The following CDH13 variants were observed in gnomAD, a reference collection of about 807,000 sequenced individuals.
The protein encoded by CDH13 is cadherin-13.
A neutral mutation model predicts 63.8 loss-of-function variants in CDH13; 24 were observed. That is an observed-to-expected ratio of 0.38 (90% CI 0.27 to 0.53). CDH13 has a LOEUF of 0.53. Ranked by LOEUF, CDH13 falls within the 20% of genes least tolerant of loss-of-function variation. The probability of loss-of-function intolerance (pLI) is 0.85; values close to 1 mark genes in which losing one functional copy is unlikely to be tolerated. For synonymous variants in CDH13, 503 were observed against 355.3 expected, an observed-to-expected ratio of 1.42 and a Z score of -4.67; for missense variants, 1,049 against 903.1, an observed-to-expected ratio of 1.16 and a Z score of -2.07.
chr16:82,942,075 A>G (rs1448437989), intron 2 of CDH13, among the ~76,000 whole-genome samples: 1 of 152,196 alleles, frequency 6.6e-6, no homozygotes, highest in Non-Finnish European at 1.5e-5. Context: ...TTTTCCTATC[A>G]GGCTTATTGC....
At chr16:83,286,997 T>C (rs543403192) in intron 5 of CDH13, among the ~76,000 whole-genome samples, 56 of 152,182 alleles carry the variant, frequency 3.7e-4, no homozygotes, top group African/African-American at 1.3e-3. Context: ...TTGAGATTAC[T>C]CCTCCTTTCA....
intron 7 of CDH13, among the ~76,000 whole-genome samples, chr16:83,511,577 G>A (rs2074567226): frequency 6.6e-6 from 1 of 152,036 alleles, no homozygotes; most frequent in African/African-American, 2.4e-5. Flanking sequence ...ATCTCAGAGT[G>A]AACAAAATTG....
At chr16:82,980,444 A>C (rs1910113856) in intron 2 of CDH13, among the ~76,000 whole-genome samples, 1 of 152,210 alleles carries the variant, frequency 6.6e-6, no homozygotes, top group Non-Finnish European at 1.5e-5. Context: ...AGAGCTGTAC[A>C]CAAGATGGTG....
chr16:83,788,938 T>A (rs1280766174), intron 13 of CDH13, among the ~76,000 whole-genome samples: 1 of 152,186 alleles, frequency 6.6e-6, no homozygotes, highest in Non-Finnish European at 1.5e-5. Flanking sequence ...CAAAAAACAG[T>A]TAAAAACAGG....
At chr16:83,750,761 C>G (rs1913013642) in intron 11 of CDH13, among the ~76,000 whole-genome samples, 1 of 152,134 alleles carries the variant, frequency 6.6e-6, no homozygotes. Flanking sequence ...GAGCCTTCCT[C>G]ACATCCCTCA....
At chr16:83,512,603 G>C (rs1480287033) in intron 7 of CDH13, among the ~76,000 whole-genome samples, 1 of 150,868 alleles carries the variant, frequency 6.6e-6, no homozygotes, top group African/African-American at 2.4e-5. Context: ...AGGAGGTGGA[G>C]GTTGCAGTGA....
In CDH13 at chr16:82,875,666, A is replaced by G. The variant is rs933937273; in HGVS notation, c.157+17193A>G. 4.6e-5 allele frequency among the ~76,000 whole-genome samples: 7 copies of G among 152,270 alleles called. 1 individual carries two copies. Among genetic ancestry groups the G allele is most frequent in the Non-Finnish European group, 1.0e-4 (7 of 68,048 alleles). On this transcript the variant is annotated intron_variant, in intron 2 of 13. Transcript: ENST00000567109. The stretch of plus-strand genomic sequence containing the variant: ...TAAAACATGACTCACATTCATATCT[A>G]AAGTGAACACATCAAAGATTTTATC...
chr16:82,894,098 T>C (rs1472075123), intron 2 of CDH13, among the ~76,000 whole-genome samples: 2 of 152,218 alleles, frequency 1.3e-5, no homozygotes, highest in Non-Finnish European at 2.9e-5. Context: ...CCGTTGTCTG[T>C]ACACCTCCAT....
At chr16:83,066,959 G>C (rs988605832) in intron 3 of CDH13, among the ~76,000 whole-genome samples, 3 of 152,182 alleles carry the variant, frequency 2.0e-5, no homozygotes, top group Non-Finnish European at 4.4e-5. Context: ...AAATGCTGAA[G>C]TCTTTGCTTC....
At chr16:83,570,642 A>C (rs548755696) in intron 7 of CDH13, among the ~76,000 whole-genome samples, 21 of 151,120 alleles carry the variant, frequency 1.4e-4, no homozygotes, top group South Asian at 4.2e-4. Flanking sequence ...AGTCCATCCT[A>C]GTATTCCCAG....
chr16:82,713,474 G>C (rs1383821176), intron 1 of CDH13, among the ~76,000 whole-genome samples: 2 of 152,186 alleles, frequency 1.3e-5, no homozygotes, highest in Non-Finnish European at 2.9e-5. Flanking sequence ...CCCCAGCACT[G>C]TTGGGTGTCC....
intron 10 of CDH13, among the ~76,000 whole-genome samples, chr16:83,698,200 C>A (rs1213094370): frequency 6.6e-6 from 1 of 152,174 alleles, no homozygotes; most frequent in Non-Finnish European, 1.5e-5. Flanking sequence ...TGTAGTGTGT[C>A]CTGTTCAGGA....
chr16:82,957,102 C>T (rs968134979), intron 2 of CDH13, among the ~76,000 whole-genome samples: 5 of 152,128 alleles, frequency 3.3e-5, no homozygotes, highest in African/African-American at 1.2e-4. Flanking sequence ...GACAACTCAC[C>T]ACCACATCCA....
chr16:83,116,773 A>C (rs558453371), intron 3 of CDH13, among the ~76,000 whole-genome samples: 1 of 152,358 alleles, frequency 6.6e-6, no homozygotes, highest in South Asian at 2.1e-4. Flanking sequence ...CATGGTACGT[A>C]AATTATACCT....
intron 2 of CDH13, among the ~76,000 whole-genome samples, chr16:82,915,011 C>G (rs188637939): frequency 2.6e-5 from 4 of 152,204 alleles, no homozygotes; most frequent in Admixed American, 1.3e-4. Context: ...TAAATTTGCA[C>G]GATGTGCAGT....
At chr16:83,290,544 C>T (rs2089441332) in intron 5 of CDH13, among the ~76,000 whole-genome samples, 1 of 152,146 alleles carries the variant, frequency 6.6e-6, no homozygotes, top group Non-Finnish European at 1.5e-5. Flanking sequence ...GAGGCCTCCC[C>T]ACTCATGTGG....
At chr16:82,866,553 T>G (rs2040152696) in intron 2 of CDH13, among the ~76,000 whole-genome samples, 2 of 151,948 alleles carry the variant, frequency 1.3e-5, no homozygotes, top group Non-Finnish European at 2.9e-5. Context: ...CATGCCTGGC[T>G]AATTTTTTGT....
rs78221377 is a variant in CDH13, at chr16:83,576,419, C to T, written c.961-26035C>T. Among the ~76,000 whole-genome samples, 693 of 152,280 alleles carry T rather than the reference C, an allele frequency of 4.6e-3. 5 individuals are homozygous for T. Among genetic ancestry groups the T allele is most frequent in the African/African-American group, 0.016 (668 of 41,546 alleles). Reference sequence around the variant, plus strand: ...GTTTATCCATTCGTCTGTTTATGGACATTTGGCACTGTTTCTACCTTCTGG... The same window carrying T: ...GTTTATCCATTCGTCTGTTTATGGATATTTGGCACTGTTTCTACCTTCTGG... On this transcript the variant is annotated intron_variant, in intron 7 of 13. Transcript: ENST00000567109.
At chr16:82,826,306 G>A (rs1258205197) in intron 1 of CDH13, 1 of 152,160 alleles carries the variant, frequency 6.6e-6, no homozygotes, top group Admixed American at 6.5e-5. Context: ...AATTGCAGTG[G>A]CTTCTATATG....
Sources: gnomAD v4.1 joint callset for allele counts (sites outside exome capture counted in the v4.1 genomes callset) on GRCh38, gnomAD v4.1.1 for gene constraint, MANE v1.5 for transcripts, NCBI Gene and HGNC (gene_info 2026-07-23, HGNC 2026-07-21) for gene names.